The following AGAP1 variants were observed in gnomAD, a reference collection of about 807,000 sequenced individuals.
AGAP1 encodes ArfGAP with GTPase domain, ankyrin repeat and PH domain 1, also known as arf-GAP with GTPase, ANK repeat and PH domain-containing protein 1.
AGAP1 carries 29 observed loss-of-function variants against 105.3 expected under a neutral mutation model. That is an observed-to-expected ratio of 0.28 (90% CI 0.21 to 0.38). The LOEUF (loss-of-function observed/expected upper bound fraction) is 0.38. Ranked by LOEUF, AGAP1 falls within the 10% of genes least tolerant of loss-of-function variation. AGAP1 has a pLI of 1.00. For synonymous variants in AGAP1, 509 were observed against 485.9 expected, an observed-to-expected ratio of 1.05 and a Z score of -0.63; for missense variants, 998 against 1,165.1, an observed-to-expected ratio of 0.86 and a Z score of 2.09.
chr2:235,673,429 A>G (rs1258657909), intron 1 of AGAP1, among the ~76,000 whole-genome samples: 1 of 152,206 alleles, frequency 6.6e-6, no homozygotes, highest in Non-Finnish European at 1.5e-5. Context: ...TAGGACTCGG[A>G]AATTTTGGAT....
rs914016654 is a variant in AGAP1 at position 235,714,206 on chromosome 2, G to A, written c.223-3351G>A. 6.6e-6 allele frequency among the ~76,000 whole-genome samples: 1 copy of A among 151,904 alleles called. No individual in the cohort carries two copies. Among genetic ancestry groups the A allele is most frequent in the Non-Finnish European group, 1.5e-5 (1 of 68,010 alleles). ...TTTTTATATTTTTTTAGTTGAGACA[G>A]GGTTTCACCATGTTGGCCAGTCTGG... On this transcript the variant is annotated intron_variant, in intron 2 of 17. Transcript: ENST00000304032. This position sits in a 1 kb window ranked among gnomAD's most constrained non-coding sequence, Gnocchi z 4.1.
At chr2:235,514,897 C>G (rs1396191352) in intron 1 of AGAP1, among the ~76,000 whole-genome samples, 1 of 152,168 alleles carries the variant, frequency 6.6e-6, no homozygotes, top group African/African-American at 2.4e-5. Context: ...GTGTTTAGAT[C>G]AGATGTTCAA....
rs886158102 is a variant in AGAP1, at chr2:235,961,745, A to G, written c.1484-6717A>G. Among the ~76,000 whole-genome samples the G allele has an allele frequency of 6.6e-6, 1 of 152,216 alleles. No homozygotes were observed. Among genetic ancestry groups the G allele is most frequent in the African/African-American group, 2.4e-5 (1 of 41,466 alleles). ...CAACATGTTGAAACCCGTCTCTACT[A>G]AAAATACGAAAATTAGCTGGGCGTG... On this transcript the variant is annotated intron_variant, in intron 12 of 17. Transcript: ENST00000304032. This position sits in a 1 kb window ranked among gnomAD's most constrained non-coding sequence, Gnocchi z 5.9.
chr2:235,627,036 A>G (rs373194299), intron 1 of AGAP1, among the ~76,000 whole-genome samples: 23 of 152,138 alleles, frequency 1.5e-4, no homozygotes, highest in Admixed American at 8.5e-4. Flanking sequence ...TTGAAACCCA[A>G]CTGTCTTAAG....
At chr2:235,561,243 T>C (rs1020293586) in intron 1 of AGAP1, among the ~76,000 whole-genome samples, 1 of 152,200 alleles carries the variant, frequency 6.6e-6, no homozygotes. Flanking sequence ...TTTCCAATGT[T>C]ATTTCCTTAG....
At chr2:235,498,018 T>G (rs994140412) in intron 1 of AGAP1, among the ~76,000 whole-genome samples, 3 of 151,408 alleles carry the variant, frequency 2.0e-5, no homozygotes, top group African/African-American at 7.4e-5. Flanking sequence ...CAGGAATTTT[T>G]GCTGTTGGAG....
At position 235,797,576 on chromosome 2, in the gene AGAP1, G is replaced by A. The variant is rs539505889; in HGVS notation, c.674-183G>A. Among the ~76,000 whole-genome samples, 16 of 152,186 alleles carry A rather than the reference G, an allele frequency of 1.1e-4. No individual in the cohort carries two copies. The East Asian group carries it at 1.2e-3, about 11-fold the overall frequency. ...TCAGCTGATGCGGGGGTGGGGGGAC[G>A]GGAGGAGGCTCTGGCAAATGTCATG... On this transcript the variant is annotated intron_variant, in intron 6 of 17. Coordinates refer to ENST00000304032, the MANE Select transcript of AGAP1 (RefSeq NM_001037131.3).
rs994887003 is a variant in AGAP1 at position 236,005,210 on chromosome 2, A to G, written c.1646-31351A>G. On this transcript the variant is annotated intron_variant, in intron 13 of 17. Transcript: ENST00000304032. This position sits in a 1 kb window ranked among gnomAD's most constrained non-coding sequence, Gnocchi z 4.1. The stretch of plus-strand genomic sequence containing the variant: ...CACCCAGGCTGGAGTGCAATGGTGC[A>G]ATCTTGGCTCTTGCAACCTCCGCCT... 3.3e-5 allele frequency among the ~76,000 whole-genome samples: 5 copies of G among 152,030 alleles called. No homozygotes were observed. Among genetic ancestry groups the G allele is most frequent in the Admixed American group, 3.3e-4 (5 of 15,266 alleles).
chr2:235,558,384 C>T (rs888024990), intron 1 of AGAP1, among the ~76,000 whole-genome samples: 2 of 152,164 alleles, frequency 1.3e-5, no homozygotes, highest in African/African-American at 4.8e-5. Context: ...TGTCTCCCAG[C>T]ATCTCTGGGA....
chr2:235,835,847 A>C (rs1162385300), intron 9 of AGAP1, among the ~76,000 whole-genome samples: 1 of 152,230 alleles, frequency 6.6e-6, no homozygotes, highest in Admixed American at 6.5e-5. Context: ...GGCTAACAAG[A>C]GCCAACCACT....
intron 13 of AGAP1, among the ~76,000 whole-genome samples, chr2:236,007,996 G>A (rs532300281): frequency 6.6e-6 from 1 of 152,218 alleles, no homozygotes; most frequent in Non-Finnish European, 1.5e-5. Flanking sequence ...ACGTCATTTG[G>A]TTTTGAAAAA....
At chr2:235,856,212 G>A (rs549484591) in intron 9 of AGAP1, among the ~76,000 whole-genome samples, 26 of 152,122 alleles carry the variant, frequency 1.7e-4, no homozygotes, top group Non-Finnish European at 3.5e-4. Context: ...GCACCCGGCC[G>A]AGAATATTTT....
chr2:236,079,115 CCA>C (rs2058715877), intron 16 of AGAP1, among the ~76,000 whole-genome samples: 1 of 152,144 alleles, frequency 6.6e-6, no homozygotes, highest in African/African-American at 2.4e-5. Context: ...ACAGAGAGTT[CCA>C]CAGAGTCCCC....
chr2:235,818,315 T>C (rs992729512), intron 9 of AGAP1, among the ~76,000 whole-genome samples: 2 of 152,234 alleles, frequency 1.3e-5, no homozygotes, highest in African/African-American at 4.8e-5. Flanking sequence ...CGATGTTATA[T>C]AGCTCCACGT....
rs368101435 is a variant in AGAP1, at chr2:235,664,595, G to A, written c.164-44584G>A. Among the ~76,000 whole-genome samples the A allele has an allele frequency of 1.3e-5, 2 of 152,104 alleles. No individual in the cohort carries two copies. The highest frequency in any genetic ancestry group is 4.8e-5 in the African/African-American group (2 of 41,404). ...AAGAAATATCTAATATTTTCCTTTT[G>A]TTTGGGAATAAGAATCTACTCACAA... On this transcript the variant is annotated intron_variant, in intron 1 of 17. Coordinates refer to ENST00000304032, the MANE Select transcript of AGAP1 (RefSeq NM_001037131.3). The surrounding 1 kb of genome is among the most constrained non-coding windows in gnomAD (Gnocchi z 5.7).
At chr2:235,542,433 G>T (rs947593904) in intron 1 of AGAP1, among the ~76,000 whole-genome samples, 2 of 152,158 alleles carry the variant, frequency 1.3e-5, no homozygotes, top group South Asian at 4.1e-4. Flanking sequence ...ATCTCTACCG[G>T]ATCAAAAGAG....
chr2:235,772,892 T>G (rs909472568), intron 6 of AGAP1, among the ~76,000 whole-genome samples: 8 of 152,342 alleles, frequency 5.3e-5, no homozygotes, highest in African/African-American at 1.9e-4. Context: ...CCAGTAAAGC[T>G]GTCGGGATGG....
At chr2:235,783,839 T>C (rs974908126) in intron 6 of AGAP1, among the ~76,000 whole-genome samples, 7 of 152,096 alleles carry the variant, frequency 4.6e-5, no homozygotes, top group African/African-American at 7.2e-5. Flanking sequence ...CTAAGATGTT[T>C]TGCATTTCAC....
rs571774873 is a variant in AGAP1, at chr2:235,728,502, C to T, written c.310+10858C>T. ...GTAGTCCTTTATCCATGCTTGTTGGCTTCTGGAACGCACAGTGTTCAGGAG... is the reference window on the plus strand; with the variant it reads ...GTAGTCCTTTATCCATGCTTGTTGGTTTCTGGAACGCACAGTGTTCAGGAG... On this transcript the variant is annotated intron_variant, in intron 3 of 17. Coordinates refer to ENST00000304032, the MANE Select transcript of AGAP1 (RefSeq NM_001037131.3). The surrounding 1 kb of genome is among the most constrained non-coding windows in gnomAD (Gnocchi z 4.3). Among the ~76,000 whole-genome samples, 2 of 152,242 alleles carry T rather than the reference C, an allele frequency of 1.3e-5. No individual in the cohort carries two copies. Among genetic ancestry groups the T allele is most frequent in the East Asian group, 3.9e-4 (2 of 5,166 alleles).
Sources: gnomAD v4.1 joint callset for allele counts (sites outside exome capture counted in the v4.1 genomes callset) on GRCh38, gnomAD v4.1.1 for gene constraint, Gnocchi (gnomAD v3.1) non-coding constraint, MANE v1.5 for transcripts, NCBI Gene and HGNC (gene_info 2026-07-23, HGNC 2026-07-21) for gene names.